TET3: variants seen among roughly 807,000 people sequenced by gnomAD.
TET3 encodes the protein tet methylcytosine dioxygenase 3.
In TET3, 19 loss-of-function variants were observed where a neutral mutation model predicts 141.4. That is an observed-to-expected ratio of 0.13 (90% confidence interval 0.09 to 0.20). The LOEUF (loss-of-function observed/expected upper bound fraction) is 0.20, where lower values mean the gene tolerates loss of function less well. TET3 is among the 10% of genes least tolerant of loss of function. TET3 has a pLI of 1.00. For missense variants in TET3, 1,874 were observed against 2,356.9 expected (o/e 0.80, Z 4.24); for synonymous variants, 1,043 against 980.9 (o/e 1.06, Z -1.18).
intron 4 of TET3, among the ~76,000 whole-genome samples, chr2:74,071,805 C>G (rs1464809937): frequency 6.6e-6 from 1 of 152,170 alleles, no homozygotes; most frequent in Non-Finnish European, 1.5e-5. Context: ...CTCCTAATAT[C>G]CAGCCACATC....
At chr2:74,026,750 G>T (rs1419487453) in intron 3 of TET3, among the ~76,000 whole-genome samples, 2 of 149,874 alleles carry the variant, frequency 1.3e-5, no homozygotes, top group Non-Finnish European at 1.5e-5. Context: ...TAATTCTAAG[G>T]GCCTTTGAAC....
At chr2:74,124,123 T>TG in the TET3 span, among the ~76,000 whole-genome samples, 1 of 145,724 alleles carries the variant, frequency 6.9e-6, no homozygotes, top group Admixed American at 6.7e-5. Flanking sequence ...GTCCAGGAGG[T>TG]GGGGGGCAGC....
At chr2:74,011,394 G>A (rs1019862199) in intron 3 of TET3, among the ~76,000 whole-genome samples, 12 of 152,272 alleles carry the variant, frequency 7.9e-5, no homozygotes, top group East Asian at 1.9e-4. Context: ...GAATTTCTAC[G>A]GCATTTGGAC....
chr2:74,039,678 AT>A (rs1466447690), intron 3 of TET3, among the ~76,000 whole-genome samples: 2 of 152,212 alleles, frequency 1.3e-5, no homozygotes, highest in African/African-American at 4.8e-5. Context: ...CTAGGAAGGC[AT>A]AAAAGCTGGA....
At chr2:74,130,418 T>A in the TET3 span, among the ~76,000 whole-genome samples, 1 of 152,134 alleles carries the variant, frequency 6.6e-6, no homozygotes, top group Non-Finnish European at 1.5e-5. Flanking sequence ...CAGGTACAAA[T>A]GTTGGCTGAT....
At chr2:74,124,046 G>C in the TET3 span, among the ~76,000 whole-genome samples, 2 of 151,750 alleles carry the variant, frequency 1.3e-5, no homozygotes, top group African/African-American at 4.8e-5. Context: ...TGGGAAGTGA[G>C]GAGCCCCTCC....
In TET3 at chr2:74,087,969, A is replaced by G; in HGVS notation, c.2819A>G (p.Tyr940Cys). Reference protein sequence around the residue: ...GIPRSLGDTLYQELTDTLRKY... With the variant: ...GIPRSLGDTLCQELTDTLRKY... ...CCCCGTAGCCTCGGAGACACCCTCT[A>G]CCAGGAGCTCACCGACACCCTCCGG... The change falls in exon 7 of 12, where the codon TAC becomes TGC. Residue 940 changes from tyrosine (Y) to cysteine (C), a missense_variant. By Grantham distance (194) the Tyr-to-Cys change is radical. Around this residue, in one of 10 missense-constraint regions of TET3, gnomAD observed 126 missense variants for 327.4 expected, o/e 0.38. Transcript: ENST00000409262. The surrounding 1 kb of genome is among the most constrained non-coding windows in gnomAD (Gnocchi z 4.3). The G allele has an allele frequency of 6.4e-7, 1 of 1,558,202 alleles. No homozygotes were observed.
At chr2:74,080,615 G>A in intron 6 of TET3, 24 bp downstream of exon 6, 4 of 1,582,568 alleles carry the variant, frequency 2.5e-6, no homozygotes, top group Non-Finnish European at 3.4e-6. Context: ...CCACTCAAGA[G>A]CCACAGCTGT....
intron 3 of TET3, among the ~76,000 whole-genome samples, chr2:74,043,331 C>T (rs1247579680): frequency 6.6e-6 from 1 of 152,180 alleles, no homozygotes; most frequent in South Asian, 2.1e-4. Context: ...TATTCCATGG[C>T]CTGTGGGGAT....
chr2:74,110,452 T>TCAAC (rs1314419348), downstream of TET3, among the ~76,000 whole-genome samples: 5 of 152,170 alleles, frequency 3.3e-5, no homozygotes, highest in Non-Finnish European at 1.5e-5. Context: ...TAATGGGCAT[T>TCAAC]CAACGTCCCA....
At chr2:74,032,268 C>A (rs1157923693) in intron 3 of TET3, among the ~76,000 whole-genome samples, 1 of 152,078 alleles carries the variant, frequency 6.6e-6, no homozygotes, top group South Asian at 2.1e-4. Context: ...CTTTCTGTTT[C>A]TTTAGCCTAT....
rs140257464 is a variant in TET3, at chr2:74,079,199, T to C, written c.2586-1299T>C. Reference sequence around the variant, plus strand: ...CTGTCCTTACTAAAAATACAAAAATTAGCTGGGCGTGGTGGCAGGCACCTG... The same window carrying C: ...CTGTCCTTACTAAAAATACAAAAATCAGCTGGGCGTGGTGGCAGGCACCTG... On this transcript the variant is annotated intron_variant, in intron 5 of 11. Coordinates refer to ENST00000409262, the MANE Select transcript of TET3 (RefSeq NM_001287491.2). Among the ~76,000 whole-genome samples, 442 of 152,086 alleles carry C rather than the reference T, an allele frequency of 2.9e-3. 3 individuals are homozygous for C. Among genetic ancestry groups the C allele is most frequent in the African/African-American group, 0.01 (422 of 41,482 alleles).
intron 3 of TET3, among the ~76,000 whole-genome samples, chr2:74,040,393 C>T (rs114796585): frequency 6.6e-6 from 1 of 152,138 alleles, no homozygotes. Flanking sequence ...AATTGAGAGA[C>T]AGTTCACATT....
At chr2:74,040,161 G>T (rs1458116792) in intron 3 of TET3, among the ~76,000 whole-genome samples, 1 of 152,202 alleles carries the variant, frequency 6.6e-6, no homozygotes, top group African/African-American at 2.4e-5. Context: ...GAAGAGTTAT[G>T]AAGTTGGTGG....
chr2:73,998,157 C>A (rs1445604882), intron 2 of TET3, among the ~76,000 whole-genome samples: 1 of 152,172 alleles, frequency 6.6e-6, no homozygotes, highest in African/African-American at 2.4e-5. Flanking sequence ...GTGTTAATTC[C>A]TCTTGGAAGT....
At chr2:73,997,163 G>A in intron 2 of TET3, among the ~76,000 whole-genome samples, 1 of 152,254 alleles carries the variant, frequency 6.6e-6, no homozygotes. Flanking sequence ...CCAGACTGTG[G>A]GTCCCCCATG....
downstream of TET3, among the ~76,000 whole-genome samples, chr2:74,111,555 A>G (rs1327473960): frequency 6.6e-6 from 1 of 152,224 alleles, no homozygotes; most frequent in East Asian, 1.9e-4. Flanking sequence ...GGGGAACACC[A>G]TTCATACAGA....
intron 3 of TET3, among the ~76,000 whole-genome samples, chr2:74,031,013 G>A (rs903312593): frequency 6.6e-6 from 1 of 152,138 alleles, no homozygotes; most frequent in Non-Finnish European, 1.5e-5. Context: ...AAAGGATGCA[G>A]GCGCTGAGTT....
chr2:74,063,739 T>A (rs1451557069), intron 4 of TET3, among the ~76,000 whole-genome samples: 1 of 152,052 alleles, frequency 6.6e-6, no homozygotes, highest in African/African-American at 2.4e-5. Context: ...ATACTAAACA[T>A]ACCATATTGT....
Sources: allele counts gnomAD v4.1 joint callset (sites outside exome capture counted in the v4.1 genomes callset), GRCh38; gene constraint gnomAD v4.1.1; regional missense constraint gnomAD v4.1.1; non-coding constraint Gnocchi (gnomAD v3.1); transcripts MANE v1.5; gene names NCBI Gene and HGNC (gene_info 2026-07-23, HGNC 2026-07-21).